Variants in USP50 observed in about 807,000 individuals in gnomAD.
USP50 encodes ubiquitin carboxyl-terminal hydrolase 50.
USP50 carries 37 observed loss-of-function variants against 39.2 expected under a neutral mutation model. That is an observed-to-expected ratio of 0.94 (90% confidence interval 0.73 to 1.24). USP50 has a LOEUF of 1.24. USP50 is among the 50% of genes most tolerant of loss of function. The probability of loss-of-function intolerance (pLI) is 0.00; values close to 1 mark genes in which losing one functional copy is unlikely to be tolerated. For synonymous variants in USP50, 139 were observed against 144.5 expected, an observed-to-expected ratio of 0.96 and a Z score of 0.27; for missense variants, 374 against 398.2, an observed-to-expected ratio of 0.94 and a Z score of 0.52.
chr15:50,520,898 G>C (rs1204317304), intron 6 of USP50, among the ~76,000 whole-genome samples: 2 of 152,130 alleles, frequency 1.3e-5, no homozygotes, highest in African/African-American at 4.8e-5. Context: ...TCTAGTGTTT[G>C]ACAGCATAAT....
At chr15:50,495,651 C>T (rs182620155), downstream of USP50, among the ~76,000 whole-genome samples, 1,200 of 152,168 alleles carry the variant, frequency 7.9e-3, 2 homozygotes, top group Middle Eastern at 0.014. Flanking sequence ...AAGTCACATT[C>T]CTTCAATAAA....
intron 6 of USP50, among the ~76,000 whole-genome samples, chr15:50,525,611 T>A (rs2052886705): frequency 7.3e-6 from 1 of 137,926 alleles, no homozygotes; most frequent in Admixed American, 7.9e-5. Context: ...TATATGTATA[T>A]ATGTATATAT....
intron 6 of USP50, among the ~76,000 whole-genome samples, chr15:50,516,929 CTAAT>C (rs1020008590): frequency 1.3e-5 from 2 of 151,982 alleles, no homozygotes; most frequent in African/African-American, 4.8e-5. Flanking sequence ...AAAGCAATTA[CTAAT>C]TAATATGAGA....
At chr15:50,526,381 G>C (rs147612832) in intron 6 of USP50, among the ~76,000 whole-genome samples, 9 of 152,190 alleles carry the variant, frequency 5.9e-5, no homozygotes, top group African/African-American at 2.2e-4. Flanking sequence ...TCTTTACCTA[G>C]GTGGCAAATA....
chr15:50,518,567 C>G (rs1264142249), intron 6 of USP50, among the ~76,000 whole-genome samples: 1 of 151,798 alleles, frequency 6.6e-6, no homozygotes, highest in East Asian at 1.9e-4. Context: ...AGGACACCTG[C>G]TTCAATAAAT....
At chr15:50,495,157 A>AT (rs2052327637) in intron 1 of USP50, among the ~76,000 whole-genome samples, 1 of 151,710 alleles carries the variant, frequency 6.6e-6, no homozygotes, top group South Asian at 2.1e-4. Flanking sequence ...TGTCTCACAT[A>AT]TTTTGGGGTC....
intron 1 of USP50, among the ~76,000 whole-genome samples, chr15:50,494,452 A>G (rs975977392): frequency 6.6e-6 from 1 of 152,254 alleles, no homozygotes; most frequent in Non-Finnish European, 1.5e-5. Context: ...TTTGAAGCAT[A>G]TACAGTTGGT....
chr15:50,493,360 A>T (rs1436994863), downstream of USP50: 3 of 519,908 alleles, frequency 5.8e-6, no homozygotes, highest in Non-Finnish European at 1.2e-5. Flanking sequence ...GAATAATTTC[A>T]TGTTGACATC....
At chr15:50,538,181 G>A (rs2141377233) in intron 5 of USP50, among the ~76,000 whole-genome samples, 1 of 147,230 alleles carries the variant, frequency 6.8e-6, no homozygotes, top group Admixed American at 6.9e-5. Context: ...GGAGGCTGAG[G>A]CAGAAGAATT....
At chr15:50,495,246 G>A (rs1290443403) in intron 1 of USP50, among the ~76,000 whole-genome samples, 2 of 60,692 alleles carry the variant, frequency 3.3e-5, no homozygotes, top group Non-Finnish European at 7.4e-5. Flanking sequence ...ATATATATAC[G>A]TGTATATATA....
chr15:50,532,295 A>G (rs747444800), intron 5 of USP50: 2 of 448,616 alleles, frequency 4.5e-6, no homozygotes, highest in Non-Finnish European at 9.0e-6. Context: ...AAGCCTGCCC[A>G]CAGGAGAAAC....
chr15:50,515,116 A>G (rs1216773216), intron 6 of USP50, among the ~76,000 whole-genome samples: 2 of 152,056 alleles, frequency 1.3e-5, no homozygotes, highest in Non-Finnish European at 2.9e-5. Flanking sequence ...AAGAAAAACG[A>G]AATTCCAAGA....
At chr15:50,544,373 T>C (rs968154194) in intron 2 of USP50, among the ~76,000 whole-genome samples, 1 of 146,598 alleles carries the variant, frequency 6.8e-6, no homozygotes, top group African/African-American at 2.5e-5. Flanking sequence ...ACAACAACAA[T>C]AAAAAAAAAT....
At position 50,544,635 on chromosome 15, in the gene USP50, G is replaced by A. The variant is rs201382343; in HGVS notation, c.200C>T (p.Pro67Leu). The change falls in exon 2 of 7, where the codon CCG becomes CTG. Residue 67 changes from proline to leucine, a missense_variant. Transcript: ENST00000532404. The stretch of plus-strand genomic sequence containing the variant: ...CCCGGTGAGAAAGTATTCCACCAGC[G>A]GCAAGATGCTGCAGAGACACTGTGA... ...AISQCLCSIL[P>L]LVEYFLTGKY... The A allele has an allele frequency of 1.1e-5, 18 of 1,613,610 alleles. No individual in the cohort carries two copies. Among genetic ancestry groups the A allele is most frequent in the African/African-American group, 2.7e-5 (2 of 74,858 alleles).
At chr15:50,502,463 G>C (rs2052604978) in intron 6 of USP50, 2 of 152,114 alleles carry the variant, frequency 1.3e-5, no homozygotes, top group African/African-American at 4.8e-5. Context: ...CTGCTTCCTG[G>C]GTTAAAGCTC....
At position 50,502,104 on chromosome 15, in the gene USP50, G is replaced by A. The variant is rs1279190321; in HGVS notation, c.937-1267C>T. The A allele has an allele frequency of 1.3e-5, 2 of 152,232 alleles. 1 individual carries two copies. The highest frequency in any genetic ancestry group is 4.2e-4 in the South Asian group (2 of 4,814). The allele number at this position is 152,232 out of a possible 1,614,324, so 9.4% of individuals were successfully genotyped here. A position where few individuals can be genotyped will look rare whatever the true frequency, so the allele number is the denominator to read the frequency against. On this transcript the variant is annotated intron_variant, in intron 6 of 6. Transcript: ENST00000532404. ...TGTAGAGGAAGAAAATTGATTATTT[G>A]TTAACTTATTTTTAATTTTTTGAGA... is the stretch of plus-strand genomic sequence containing the variant.
At chr15:50,494,066 A>G in exon 2 of USP50, 2 of 1,600,144 alleles carry the variant, frequency 1.2e-6, no homozygotes, top group Non-Finnish European at 1.7e-6. Context: ...TTTTATTTGC[A>G]CAGGTCAAAT....
At chr15:50,522,211 G>T (rs551946913) in intron 6 of USP50, among the ~76,000 whole-genome samples, 1 of 151,248 alleles carries the variant, frequency 6.6e-6, no homozygotes. Flanking sequence ...GCTTGATTGA[G>T]CCCAGGAGTT....
intron 6 of USP50, among the ~76,000 whole-genome samples, chr15:50,520,052 C>T (rs1482996249): frequency 6.6e-6 from 1 of 151,742 alleles, no homozygotes; most frequent in Non-Finnish European, 1.5e-5. Context: ...GCCTGTAATC[C>T]CAACATTTTT....
Sources: allele counts gnomAD v4.1 joint callset (sites outside exome capture counted in the v4.1 genomes callset), GRCh38; gene constraint gnomAD v4.1.1; transcripts MANE v1.5; gene names NCBI Gene and HGNC (gene_info 2026-07-23, HGNC 2026-07-21).